Variants in APC observed in about 807,000 individuals in gnomAD.
APC encodes the protein APC regulator of Wnt signaling pathway.
Under a neutral mutation model 247.0 loss-of-function variants are expected in APC, and 72 were observed. The ratio of observed to expected loss-of-function variants is 0.29; its 90% CI spans 0.24 to 0.35. APC has a LOEUF of 0.35. Ranked by LOEUF, APC falls within the 10% of genes least tolerant of loss-of-function variation. The pLI, the probability that APC is intolerant of heterozygous loss-of-function variation, is 1.00. For missense variants in APC, 3,400 were observed against 3,360.7 expected, an observed-to-expected ratio of 1.01 and a Z score of -0.29; for synonymous variants, 1,254 against 1,162.5, an observed-to-expected ratio of 1.08 and a Z score of -1.60.
intron 1 of APC, among the ~76,000 whole-genome samples, chr5:112,718,354 A>C (rs1396686902): frequency 6.6e-6 from 1 of 152,190 alleles, no homozygotes; most frequent in African/African-American, 2.4e-5. Flanking sequence ...GAACATCTTA[A>C]TGAAATTTCA....
rs367761032 is a variant in APC at position 112,842,259 on chromosome 5, C to T, written c.6665C>T (p.Pro2222Leu). 9 of 1,613,992 alleles carry T rather than the reference C, an allele frequency of 5.6e-6. No individual in the cohort carries two copies. The highest frequency in any genetic ancestry group is 7.6e-6 in the Non-Finnish European group (9 of 1,179,900). Residue 2222 changes from proline to leucine, a missense_variant, in exon 16 of 16, where the codon CCT (proline) becomes CTT (leucine). Coordinates refer to ENST00000257430, the MANE Select transcript of APC (RefSeq NM_000038.6). ...QMKQPLQANM[P>L]SISRGRTMIH... ...AAACAGCCCCTTCAAGCAAACATGC[C>T]TTCAATCTCTCGAGGCAGGACAATG...
chr5:112,765,977 T>C (rs992095892), intron 2 of APC, among the ~76,000 whole-genome samples: 1 of 152,220 alleles, frequency 6.6e-6, no homozygotes, highest in African/African-American at 2.4e-5. Flanking sequence ...TCTAAACACA[T>C]AAGTAGCTTT....
At chr5:112,734,950 G>C (rs1416507522), upstream of APC, among the ~76,000 whole-genome samples, 1 of 151,730 alleles carries the variant, frequency 6.6e-6, no homozygotes, top group African/African-American at 2.4e-5. Flanking sequence ...AAGACATTAA[G>C]AATCCTATTA....
intron 11 of APC, among the ~76,000 whole-genome samples, chr5:112,823,588 C>T (rs1763353545): frequency 6.6e-6 from 1 of 152,156 alleles, no homozygotes; most frequent in Admixed American, 6.5e-5. Flanking sequence ...GTTCAGTCAG[C>T]TGGGATGGTC....
intron 1 of APC, among the ~76,000 whole-genome samples, chr5:112,750,651 ATC>A (rs1754251593): frequency 2.0e-5 from 3 of 152,096 alleles, no homozygotes; most frequent in Non-Finnish European, 2.9e-5. Flanking sequence ...TACCCTAAGA[ATC>A]TCCTTTATTA....
intron 2 of APC, among the ~76,000 whole-genome samples, chr5:112,763,973 C>CA (rs568174928): frequency 1.2e-3 from 180 of 151,842 alleles, no homozygotes; most frequent in African/African-American, 4.1e-3. Context: ...CGCGGTGGCT[C>CA]ACGCCTGTAA....
chr5:112,780,874 A>G lies in APC; in HGVS notation c.616A>G (p.Thr206Ala). ...IRVAMEEQLG[T>A]CQDMEKRAQR... The stretch of plus-strand genomic sequence containing the variant: ...AGTTGCGATGGAAGAACAACTAGGT[A>G]CCTGCCAGGATATGGAAAAACGAGC... Residue 206 changes from threonine to alanine, a missense_variant, in exon 6 of 16, where the codon ACC becomes GCC. Transcript: ENST00000257430. 1.2e-6 allele frequency: 2 copies of G among 1,612,136 alleles called. No individual in the cohort carries two copies. Among genetic ancestry groups the G allele is most frequent in the Non-Finnish European group, 1.7e-6 (2 of 1,178,466 alleles).
intron 6 of APC, among the ~76,000 whole-genome samples, chr5:112,781,797 G>C (rs1400328171): frequency 1.4e-5 from 2 of 139,414 alleles, no homozygotes; most frequent in Admixed American, 1.5e-4. Flanking sequence ...TCACCCTGTT[G>C]CCCAGGCTGA....
rs766807361 is a variant in APC, at chr5:112,827,238, A to G, written c.1539A>G (p.Val513=). Residue 513 remains valine, a synonymous_variant, in exon 12 of 16, where the codon GTA becomes GTG. Transcript: ENST00000257430. The stretch of plus-strand genomic sequence containing the variant: ...TGACAAACTTGACTTTTGGAGATGT[A>G]GCCAACAAGGTATGTTTTTATAACA... ...MALTNLTFGD[V]ANKATLCSMK... 8.1e-6 allele frequency: 13 copies of G among 1,613,770 alleles called. 1 individual carries two copies. Among genetic ancestry groups the G allele is most frequent in the South Asian group, 7.7e-5 (7 of 91,088 alleles).
Position 112,839,754 on chromosome 5 carries a change from G to A in APC, c.4160G>A (p.Cys1387Tyr), listed in dbSNP as rs786201834. Residue 1387 changes from cysteine (C) to tyrosine (Y), a missense_variant, in exon 16 of 16, where the codon TGT becomes TAT. Transcript: ENST00000257430. The surrounding 1 kb of genome is among the most constrained non-coding windows in gnomAD (Gnocchi z 5.0). ...GAGACCCCACTCATGTTTAGCAGAT[G>A]TACTTCTGTCAGTTCACTTGATAGT... Reference protein sequence around the residue: ...VQETPLMFSRCTSVSSLDSFE... With the variant: ...VQETPLMFSRYTSVSSLDSFE... The A allele has an allele frequency of 6.2e-7, 1 of 1,614,136 alleles. No homozygotes were observed. Among genetic ancestry groups the A allele is most frequent in the Non-Finnish European group, 8.5e-7 (1 of 1,180,022 alleles).
chr5:112,720,867 G>T (rs769766641), intron 1 of APC, among the ~76,000 whole-genome samples: 1 of 152,164 alleles, frequency 6.6e-6, no homozygotes, highest in Non-Finnish European at 1.5e-5. Flanking sequence ...ACGTAAAAGT[G>T]GAATGGAATT....
intron 13 of APC, among the ~76,000 whole-genome samples, 195 bp from the exon 14 acceptor site, chr5:112,828,661 A>G (rs1763981670): frequency 6.6e-6 from 1 of 151,880 alleles, no homozygotes; most frequent in Non-Finnish European, 1.5e-5. Flanking sequence ...TGTTACCCAG[A>G]AGGTCTTGAA....
intron 5 of APC, chr5:112,777,733 C>T: frequency 4.2e-6 from 1 of 236,024 alleles, no homozygotes; most frequent in South Asian, 7.5e-5. Context: ...GCCTCTTTTG[C>T]CAGCAGCAAC....
Position 112,841,627 on chromosome 5 carries a change from A to G in APC, c.6033A>G (p.Ser2011=), listed in dbSNP as rs750703971. 1 of 1,613,370 alleles carries G rather than the reference A, an allele frequency of 6.2e-7. No homozygotes were observed. The highest frequency in any genetic ancestry group is 8.5e-7 in the Non-Finnish European group (1 of 1,179,356). ...KPQASGYAPK[S]FHVEDTPVCF... ...AAGCATCAGGCTATGCTCCTAAATCATTTCATGTTGAAGATACCCCAGTTT... is the reference window on the plus strand; with the variant it reads ...AAGCATCAGGCTATGCTCCTAAATCGTTTCATGTTGAAGATACCCCAGTTT... Residue 2011 remains serine (S), a synonymous_variant, in exon 16 of 16, where the codon TCA becomes TCG. Coordinates refer to ENST00000257430, the MANE Select transcript of APC (RefSeq NM_000038.6). The surrounding 1 kb of genome is among the most constrained non-coding windows in gnomAD (Gnocchi z 4.6).
chr5:112,726,442 CG>C (rs1471517689), intron 1 of APC, among the ~76,000 whole-genome samples: 1 of 152,306 alleles, frequency 6.6e-6, no homozygotes, highest in Non-Finnish European at 1.5e-5. Context: ...CTCCTCTCGG[CG>C]TTCAAACATT....
rs1766869364 is a variant in APC at position 112,845,070 on chromosome 5, A to G, written c.*944A>G. 1 of 232,286 alleles carries G rather than the reference A, an allele frequency of 4.3e-6. No individual in the cohort carries two copies. The highest frequency in any genetic ancestry group is 8.5e-6 in the Non-Finnish European group (1 of 117,210). 14.4% of individuals were successfully genotyped at this position (232,286 alleles called of 1,614,324 possible). A position where few individuals can be genotyped will look rare whatever the true frequency, so the allele number is the denominator to read the frequency against. On this transcript the variant is annotated 3_prime_UTR_variant, in exon 16 of 16. Coordinates refer to ENST00000257430, the MANE Select transcript of APC (RefSeq NM_000038.6). ...ATGCCTCTTTTAAAAGCTTATATAAATTTTTTTCTTCAGCTTCTATGCATT... is the reference window on the plus strand; with the variant it reads ...ATGCCTCTTTTAAAAGCTTATATAAGTTTTTTTCTTCAGCTTCTATGCATT...
rs1302087242 is a variant in APC, at chr5:112,819,314, G to A, written c.1282G>A (p.Glu428Lys). ...CTGTTGGGAGTGGCAGGAAGCTCAT[G>A]AACCAGGCATGGACCAGGACAAAAA... is the stretch of plus-strand genomic sequence containing the variant. ...ETCWEWQEAH[E>K]PGMDQDKNPM... The change falls in exon 10 of 16, where the codon GAA becomes AAA. Residue 428 changes from glutamate (E) to lysine (K), a missense_variant. Around this residue, in one of 9 missense-constraint regions of APC, gnomAD observed 199 missense variants for 212.5 expected, o/e 0.94. Coordinates refer to ENST00000257430, the MANE Select transcript of APC (RefSeq NM_000038.6). 6.2e-7 allele frequency: 1 copy of A among 1,613,920 alleles called. No individual in the cohort carries two copies. The highest frequency in any genetic ancestry group is 8.5e-7 in the Non-Finnish European group (1 of 1,179,968).
intron 4 of APC, among the ~76,000 whole-genome samples, chr5:112,775,195 C>A (rs547736342): frequency 6.6e-6 from 1 of 152,112 alleles, no homozygotes; most frequent in African/African-American, 2.4e-5. Flanking sequence ...AGCTGAAAGC[C>A]ACATCAGTGT....
intron 8 of APC, among the ~76,000 whole-genome samples, chr5:112,804,757 G>A (rs2149723259): frequency 6.6e-6 from 1 of 152,236 alleles, no homozygotes; most frequent in South Asian, 2.1e-4. Flanking sequence ...ACTTAGGGAG[G>A]CCAAGCGGGA....
Sources: gnomAD v4.1 joint callset for allele counts (sites outside exome capture counted in the v4.1 genomes callset) on GRCh38, gnomAD v4.1.1 for gene constraint, gnomAD v4.1.1 regional missense constraint, Gnocchi (gnomAD v3.1) non-coding constraint, MANE v1.5 for transcripts, NCBI Gene and HGNC (gene_info 2026-07-23, HGNC 2026-07-21) for gene names.